The following IQCJ variants were observed in gnomAD, a reference collection of about 807,000 sequenced individuals.
IQCJ encodes IQ domain-containing protein J.
IQCJ carries 9 observed loss-of-function variants against 11.0 expected under a neutral mutation model. That is an observed-to-expected ratio of 0.82 (90% CI 0.49 to 1.43). The LOEUF (loss-of-function observed/expected upper bound fraction) is 1.43, where lower values mean the gene tolerates loss of function less well. IQCJ is among the 40% of genes most tolerant of loss of function. The pLI is 0.00. For synonymous variants in IQCJ, 55 were observed against 51.3 expected (o/e 1.07, Z -0.31); for missense variants, 146 against 133.2 (o/e 1.10, Z -0.47).
intron 1 of IQCJ, among the ~76,000 whole-genome samples, chr3:159,203,765 G>A (rs985878068): frequency 1.3e-5 from 2 of 152,064 alleles, no homozygotes; most frequent in African/African-American, 2.4e-5. Flanking sequence ...TCACCAAAAC[G>A]AGCACCACTT....
chr3:159,110,571 C>G (rs1354621374), intron 1 of IQCJ, among the ~76,000 whole-genome samples: 1 of 152,138 alleles, frequency 6.6e-6, no homozygotes, highest in Admixed American at 6.5e-5. Context: ...TATTCTGTGG[C>G]CTTACACGCC....
chr3:159,155,265 C>T (rs2108209395), intron 1 of IQCJ, among the ~76,000 whole-genome samples: 1 of 152,314 alleles, frequency 6.6e-6, no homozygotes, highest in African/African-American at 2.4e-5. Context: ...TCAAGAGATT[C>T]TCCTGCCTCA....
At chr3:159,092,699 A>ACACACACAC (rs1553775246) in intron 1 of IQCJ, among the ~76,000 whole-genome samples, 44 of 141,600 alleles carry the variant, frequency 3.1e-4, no homozygotes, top group Non-Finnish European at 4.8e-4. Context: ...CTCCATCACA[A>ACACACACAC]ACACACACAC....
At chr3:159,101,128 T>A (rs1367513854) in intron 1 of IQCJ, among the ~76,000 whole-genome samples, 1 of 140,506 alleles carries the variant, frequency 7.1e-6, no homozygotes, top group African/African-American at 2.7e-5. Context: ...AGTGACCCGA[T>A]TTTCCAGGTG....
intron 1 of IQCJ, among the ~76,000 whole-genome samples, chr3:159,197,347 A>G (rs948286061): frequency 2.0e-5 from 3 of 152,236 alleles, no homozygotes; most frequent in East Asian, 1.9e-4. Context: ...TGTCACTACC[A>G]TTGCCCTAAT....
intron 3 of IQCJ, among the ~76,000 whole-genome samples, chr3:159,253,615 A>G (rs1013878746): frequency 3.0e-5 from 2 of 67,468 alleles, no homozygotes; most frequent in African/African-American, 1.4e-4. Context: ...TCACAAACAC[A>G]CACACACACA....
intron 1 of IQCJ, among the ~76,000 whole-genome samples, chr3:159,101,912 C>A (rs2364930): frequency 0.34 from 51,014 of 152,172 alleles, 10,176 homozygotes; most frequent in Non-Finnish European, 0.46. Flanking sequence ...CTTCAGTATA[C>A]AATTTCATGT....
At chr3:159,080,359 C>T (rs999030208) in intron 1 of IQCJ, among the ~76,000 whole-genome samples, 2 of 152,068 alleles carry the variant, frequency 1.3e-5, no homozygotes, top group South Asian at 2.1e-4. Context: ...AACTCTTCCA[C>T]TGTGGTTATC....
chr3:159,233,658 A>C (rs1726402381), intron 1 of IQCJ, among the ~76,000 whole-genome samples: 2 of 152,196 alleles, frequency 1.3e-5, no homozygotes, highest in African/African-American at 4.8e-5. Flanking sequence ...GATAAAACTG[A>C]GGCTCAAAGG....
At chr3:159,145,954 C>T (rs1219411630) in intron 1 of IQCJ, among the ~76,000 whole-genome samples, 1 of 151,960 alleles carries the variant, frequency 6.6e-6, no homozygotes. Flanking sequence ...ATTATCGGAG[C>T]CAACAAGTAG....
chr3:159,120,220 T>C (rs1360604483), intron 1 of IQCJ, among the ~76,000 whole-genome samples: 5 of 152,186 alleles, frequency 3.3e-5, no homozygotes, highest in Non-Finnish European at 7.4e-5. Flanking sequence ...GCTATATTTG[T>C]AGTAGGCTGG....
At chr3:159,234,561 T>C (rs1017871599) in intron 1 of IQCJ, among the ~76,000 whole-genome samples, 14 of 152,184 alleles carry the variant, frequency 9.2e-5, no homozygotes, top group Admixed American at 7.9e-4. Context: ...CCCAGCACTT[T>C]GGGAGGCCAA....
intron 2 of IQCJ, among the ~76,000 whole-genome samples, chr3:159,249,403 T>G (rs1030956527): frequency 6.6e-6 from 1 of 152,152 alleles, no homozygotes; most frequent in African/African-American, 2.4e-5. Flanking sequence ...GTGTGCTTAT[T>G]TTTTTTCAAT....
intron 1 of IQCJ, among the ~76,000 whole-genome samples, chr3:159,119,130 C>T (rs577877225): frequency 6.6e-6 from 1 of 152,206 alleles, no homozygotes; most frequent in Non-Finnish European, 1.5e-5. Flanking sequence ...CTACTTACAC[C>T]TGGGTATGCT....
At chr3:159,225,134 G>A (rs969577490) in intron 1 of IQCJ, among the ~76,000 whole-genome samples, 8 of 151,978 alleles carry the variant, frequency 5.3e-5, no homozygotes, top group African/African-American at 1.9e-4. Context: ...CTAAAAATTG[G>A]AAACAACCTA....
At chr3:159,207,667 A>G (rs1724730141) in intron 1 of IQCJ, among the ~76,000 whole-genome samples, 1 of 152,232 alleles carries the variant, frequency 6.6e-6, no homozygotes, top group Non-Finnish European at 1.5e-5. Flanking sequence ...ATTCATCAAA[A>G]GCTGATAAAA....
At chr3:159,228,968 G>A (rs555825176) in intron 1 of IQCJ, among the ~76,000 whole-genome samples, 129 of 152,304 alleles carry the variant, frequency 8.5e-4, no homozygotes, top group African/African-American at 3.1e-3. Context: ...GACATGATGT[G>A]GTACTCAGTT....
intron 1 of IQCJ, among the ~76,000 whole-genome samples, chr3:159,222,719 A>G (rs1279168066): frequency 6.6e-6 from 1 of 152,206 alleles, no homozygotes; most frequent in Non-Finnish European, 1.5e-5. Flanking sequence ...AAAAGCAAAG[A>G]GTAACTACAG....
intron 1 of IQCJ, among the ~76,000 whole-genome samples, chr3:159,220,865 C>G (rs1725495842): frequency 6.6e-6 from 1 of 152,014 alleles, no homozygotes; most frequent in South Asian, 2.1e-4. Context: ...GGTGACTTGC[C>G]CAAAGTTTTC....
Sources: allele counts gnomAD v4.1 joint callset (sites outside exome capture counted in the v4.1 genomes callset), GRCh38; gene constraint gnomAD v4.1.1; transcripts MANE v1.5; gene names NCBI Gene and HGNC (gene_info 2026-07-23, HGNC 2026-07-21).